The following MAGI1 variants were observed in gnomAD, a reference collection of about 807,000 sequenced individuals.
MAGI1 encodes the protein membrane-associated guanylate kinase, WW and PDZ domain-containing protein 1.
Under a neutral mutation model 139.9 loss-of-function variants are expected in MAGI1, and 58 were observed. The ratio of observed to expected loss-of-function variants is 0.41; its 90% CI spans 0.34 to 0.52. MAGI1 has a LOEUF of 0.52. Among genes scored for constraint, MAGI1 ranks in the 20% least tolerant of loss-of-function variants. MAGI1 has a pLI of 0.12. For missense variants in MAGI1, 1,874 were observed against 1,901.6 expected (o/e 0.99, Z 0.27); for synonymous variants, 812 against 737.9 (o/e 1.10, Z -1.63).
At chr3:65,419,927 T>TCC (rs1946519824) in intron 12 of MAGI1, among the ~76,000 whole-genome samples, 1 of 152,056 alleles carries the variant, frequency 6.6e-6, no homozygotes, top group Non-Finnish European at 1.5e-5. Flanking sequence ...AAAAAGTGTG[T>TCC]CCCCCCACTT....
intron 2 of MAGI1, among the ~76,000 whole-genome samples, chr3:65,608,297 CA>C (rs2082858208): frequency 6.6e-6 from 1 of 152,010 alleles, no homozygotes; most frequent in Admixed American, 6.6e-5. Flanking sequence ...CAAAATTAGC[CA>C]GGCATGGTGG....
At chr3:65,979,328 G>A (rs1462727906) in intron 1 of MAGI1, among the ~76,000 whole-genome samples, 3 of 152,026 alleles carry the variant, frequency 2.0e-5, no homozygotes, top group African/African-American at 4.8e-5. Context: ...TAATCAAAAC[G>A]TCATCCAACA....
At chr3:65,528,885 A>G (rs563093967) in intron 2 of MAGI1, among the ~76,000 whole-genome samples, 2 of 152,260 alleles carry the variant, frequency 1.3e-5, no homozygotes, top group East Asian at 1.9e-4. Context: ...GTCCCTACAA[A>G]AAAATTTAAA....
chr3:65,942,907 T>C (rs2063379569), intron 1 of MAGI1, among the ~76,000 whole-genome samples: 1 of 151,808 alleles, frequency 6.6e-6, no homozygotes, highest in African/African-American at 2.4e-5. Flanking sequence ...TGTAATCCCA[T>C]CTACTCGGGA....
intron 1 of MAGI1, among the ~76,000 whole-genome samples, chr3:65,696,054 C>T (rs934836791): frequency 6.6e-6 from 1 of 152,178 alleles, no homozygotes; most frequent in African/African-American, 2.4e-5. Flanking sequence ...GGCCAGTCAC[C>T]GTCCATCTCC....
chr3:65,468,670 C>A (rs536847287), intron 5 of MAGI1, among the ~76,000 whole-genome samples: 6 of 152,014 alleles, frequency 3.9e-5, no homozygotes, highest in South Asian at 2.1e-4. Flanking sequence ...AGCCACTGCA[C>A]CCGGCTGTCA....
At chr3:65,624,931 G>A (rs1228837479) in intron 1 of MAGI1, among the ~76,000 whole-genome samples, 1 of 152,076 alleles carries the variant, frequency 6.6e-6, no homozygotes, top group Non-Finnish European at 1.5e-5. Flanking sequence ...TGTGTGCAGT[G>A]GCACAGTCTC....
chr3:65,632,800 C>T (rs970502152), intron 1 of MAGI1, among the ~76,000 whole-genome samples: 2 of 152,110 alleles, frequency 1.3e-5, no homozygotes, highest in Admixed American at 1.3e-4. Flanking sequence ...TTTCTAAATC[C>T]TGGTCTAGAT....
intron 1 of MAGI1, among the ~76,000 whole-genome samples, chr3:65,951,922 C>T (rs1296071160): frequency 6.6e-6 from 1 of 152,088 alleles, no homozygotes; most frequent in Non-Finnish European, 1.5e-5. Context: ...CACTGAAGAA[C>T]AATAAATAAA....
chr3:65,767,937 G>A (rs906549075), intron 1 of MAGI1, among the ~76,000 whole-genome samples: 13 of 152,138 alleles, frequency 8.5e-5, no homozygotes, highest in Admixed American at 8.5e-4. Flanking sequence ...TATAAAAACT[G>A]ACCATTCTGC....
intron 1 of MAGI1, among the ~76,000 whole-genome samples, chr3:65,853,588 C>T (rs1391546382): frequency 6.6e-6 from 1 of 152,128 alleles, no homozygotes; most frequent in African/African-American, 2.4e-5. Context: ...TCCCCATTAA[C>T]TTAATATTAG....
intron 1 of MAGI1, among the ~76,000 whole-genome samples, chr3:65,735,764 C>G (rs982783046): frequency 1.3e-5 from 2 of 152,176 alleles, no homozygotes; most frequent in Non-Finnish European, 2.9e-5. Flanking sequence ...TGCTAAGTTT[C>G]ACTTACAACA....
At chr3:66,032,252 C>A (rs1362818770) in intron 1 of MAGI1, among the ~76,000 whole-genome samples, 2 of 152,010 alleles carry the variant, frequency 1.3e-5, no homozygotes, top group Non-Finnish European at 2.9e-5. Flanking sequence ...CACTCTGTCA[C>A]CCAGGCTGGA....
At chr3:65,408,500 T>C (rs1035124046) in intron 12 of MAGI1, among the ~76,000 whole-genome samples, 1 of 152,094 alleles carries the variant, frequency 6.6e-6, no homozygotes, top group African/African-American at 2.4e-5. Context: ...AAAGTCACAA[T>C]GGGGTGCAGG....
chr3:65,891,246 T>C (rs1219879478), intron 1 of MAGI1, among the ~76,000 whole-genome samples: 1 of 148,322 alleles, frequency 6.7e-6, no homozygotes, highest in Non-Finnish European at 1.5e-5. Context: ...AAGAAACCAA[T>C]AACAAGAAGA....
At chr3:65,559,042 T>C (rs1282154148) in intron 2 of MAGI1, among the ~76,000 whole-genome samples, 1 of 152,184 alleles carries the variant, frequency 6.6e-6, no homozygotes, top group Admixed American at 6.5e-5. Context: ...TCAAGTCCTT[T>C]TCACAATAGG....
chr3:65,637,746 G>A (rs1559743712), intron 1 of MAGI1, among the ~76,000 whole-genome samples: 3 of 152,134 alleles, frequency 2.0e-5, no homozygotes, highest in African/African-American at 7.2e-5. Context: ...TTAGGGCTGG[G>A]AACACAGGTA....
chr3:65,843,188 A>C (rs934328856), intron 1 of MAGI1, among the ~76,000 whole-genome samples: 3 of 152,198 alleles, frequency 2.0e-5, no homozygotes, highest in East Asian at 3.9e-4. Context: ...CTTCTGTCTT[A>C]GGTGATCTCT....
At chr3:65,644,279 C>G (rs1282772801) in intron 1 of MAGI1, among the ~76,000 whole-genome samples, 1 of 152,052 alleles carries the variant, frequency 6.6e-6, no homozygotes, top group Non-Finnish European at 1.5e-5. Flanking sequence ...AAAAAAAACT[C>G]AACCTGAATG....
Sources: gnomAD v4.1 joint callset for allele counts (sites outside exome capture counted in the v4.1 genomes callset) on GRCh38, gnomAD v4.1.1 for gene constraint, MANE v1.5 for transcripts, NCBI Gene and HGNC (gene_info 2026-07-23, HGNC 2026-07-21) for gene names.